DPP10: variants seen among roughly 807,000 people sequenced by gnomAD.
DPP10 encodes the protein dipeptidyl peptidase like 10.
A neutral mutation model predicts 120.9 loss-of-function variants in DPP10; 33 were observed. The ratio of observed to expected loss-of-function variants is 0.27; its 90% CI spans 0.21 to 0.37. The LOEUF (loss-of-function observed/expected upper bound fraction) is 0.37. Among genes scored for constraint, DPP10 ranks in the 10% least tolerant of loss-of-function variants. The pLI, the probability that DPP10 is intolerant of heterozygous loss-of-function variation, is 1.00. For synonymous variants in DPP10, 337 were observed against 326.1 expected, an observed-to-expected ratio of 1.03 and a Z score of -0.36; for missense variants, 816 against 942.8, an observed-to-expected ratio of 0.87 and a Z score of 1.76.
chr2:115,730,891 T>C (rs1259472130), intron 8 of DPP10, among the ~76,000 whole-genome samples: 6 of 152,178 alleles, frequency 3.9e-5, no homozygotes, highest in African/African-American at 1.4e-4. Flanking sequence ...GTGTATGTGA[T>C]TTAATCATCA....
intron 1 of DPP10, among the ~76,000 whole-genome samples, chr2:114,961,914 A>G (rs1698669080): frequency 6.6e-6 from 1 of 152,178 alleles, no homozygotes; most frequent in Non-Finnish European, 1.5e-5. Context: ...AGAGCACGCC[A>G]CTGAACTCCA....
chr2:114,466,868 A>G (rs1679428196), intron 1 of DPP10, among the ~76,000 whole-genome samples: 2 of 152,174 alleles, frequency 1.3e-5, no homozygotes, highest in South Asian at 4.2e-4. Flanking sequence ...ACATGATGAA[A>G]CTGCATCTCT....
intron 19 of DPP10, among the ~76,000 whole-genome samples, chr2:115,813,183 T>G (rs897564388): frequency 1.4e-5 from 2 of 146,468 alleles, no homozygotes; most frequent in South Asian, 2.1e-4. Context: ...GGGTTTCACC[T>G]TGTTAGCCAG....
intron 3 of DPP10, among the ~76,000 whole-genome samples, chr2:115,417,378 T>C (rs1210095925): frequency 6.6e-6 from 1 of 152,104 alleles, no homozygotes; most frequent in Non-Finnish European, 1.5e-5. Flanking sequence ...AGGAAAAAAC[T>C]CAATTTGGAG....
At chr2:115,421,260 A>C (rs942751694) in intron 3 of DPP10, among the ~76,000 whole-genome samples, 2 of 152,184 alleles carry the variant, frequency 1.3e-5, no homozygotes, top group Admixed American at 1.3e-4. Flanking sequence ...TATATGAGTA[A>C]TATGAATTGT....
chr2:114,485,233 C>G (rs1320448917), intron 1 of DPP10, among the ~76,000 whole-genome samples: 1 of 152,160 alleles, frequency 6.6e-6, no homozygotes, highest in Non-Finnish European at 1.5e-5. Context: ...TTCTTTCTTA[C>G]TCACAGTTCA....
intron 1 of DPP10, among the ~76,000 whole-genome samples, chr2:115,185,305 C>T (rs929342584): frequency 4.0e-5 from 6 of 151,048 alleles, no homozygotes; most frequent in Non-Finnish European, 8.8e-5. Flanking sequence ...GCCTGTGACT[C>T]GCTCTAAAAA....
intron 1 of DPP10, among the ~76,000 whole-genome samples, chr2:115,258,064 C>T (rs958593631): frequency 3.3e-5 from 5 of 152,050 alleles, no homozygotes; most frequent in Admixed American, 6.5e-5. Flanking sequence ...GTCATTAAAA[C>T]GTGAAAATAT....
At chr2:115,275,744 G>A (rs1415433903) in intron 1 of DPP10, among the ~76,000 whole-genome samples, 1 of 136,778 alleles carries the variant, frequency 7.3e-6, no homozygotes, top group Non-Finnish European at 1.5e-5. Context: ...CTGTCGCCCA[G>A]GCTGGGGCGC....
At chr2:115,356,603 A>G (rs189115129) in intron 3 of DPP10, among the ~76,000 whole-genome samples, 1 of 152,216 alleles carries the variant, frequency 6.6e-6, no homozygotes, top group African/African-American at 2.4e-5. Context: ...GAATAGGGGT[A>G]GTGAGAGAGG....
chr2:115,182,737 A>T (rs922817768), intron 1 of DPP10, among the ~76,000 whole-genome samples: 1 of 152,192 alleles, frequency 6.6e-6, no homozygotes, highest in Non-Finnish European at 1.5e-5. Flanking sequence ...AGAGGAAGGT[A>T]GGGAAGCTAT....
chr2:115,324,711 C>T lies in DPP10; in HGVS notation c.175+15358C>T, dbSNP rs143453621. 1.6e-4 allele frequency among the ~76,000 whole-genome samples: 24 copies of T among 152,202 alleles called. No homozygotes were observed. In the East Asian group the frequency reaches 4.6e-3, roughly 29 times the overall value. ...CAATAGATTAGCACTTTTAATTTCC[C>T]ATAAGAACTTTTTGTGGCTAACTGT... On this transcript the variant is annotated intron_variant, in intron 2 of 25. Coordinates refer to ENST00000410059, the MANE Select transcript of DPP10 (RefSeq NM_020868.6).
At chr2:115,349,619 A>G (rs2063896354) in intron 3 of DPP10, among the ~76,000 whole-genome samples, 2 of 152,122 alleles carry the variant, frequency 1.3e-5, no homozygotes, top group South Asian at 4.1e-4. Flanking sequence ...TATGCAGGAT[A>G]TTGAAGAGGC....
chr2:114,805,302 C>T (rs534585447), intron 1 of DPP10, among the ~76,000 whole-genome samples: 89 of 152,252 alleles, frequency 5.8e-4, no homozygotes, highest in Admixed American at 4.8e-3. Flanking sequence ...TTCATGAAAA[C>T]TCAAGAGCAT....
intron 1 of DPP10, among the ~76,000 whole-genome samples, chr2:114,467,833 T>TACAAA (rs142818701): frequency 0.073 from 11,052 of 151,584 alleles, 478 homozygotes; most frequent in Middle Eastern, 0.14. Context: ...ACCCCATCTC[T>TACAAA]ACAAAACAAA....
intron 3 of DPP10, among the ~76,000 whole-genome samples, chr2:115,430,359 A>G (rs2070857919): frequency 6.6e-6 from 1 of 152,224 alleles, no homozygotes; most frequent in Non-Finnish European, 1.5e-5. Context: ...TGAATATGAA[A>G]TTAATCTTCA....
At chr2:115,652,549 T>A (rs1438278311) in intron 5 of DPP10, among the ~76,000 whole-genome samples, 2 of 151,594 alleles carry the variant, frequency 1.3e-5, no homozygotes, top group African/African-American at 4.8e-5. Context: ...AGTTTCAGGA[T>A]CTGTAGTTGG....
intron 5 of DPP10, among the ~76,000 whole-genome samples, chr2:115,655,931 A>G (rs1329604481): frequency 1.3e-5 from 2 of 151,692 alleles, no homozygotes; most frequent in Non-Finnish European, 1.5e-5. Flanking sequence ...CTCATAGTAG[A>G]TAAGAATAGA....
intron 5 of DPP10, among the ~76,000 whole-genome samples, chr2:115,584,659 G>C (rs1379311436): frequency 6.6e-6 from 1 of 152,170 alleles, no homozygotes; most frequent in Non-Finnish European, 1.5e-5. Context: ...AGCTGCATTT[G>C]ATGCTGTGTG....
Sources: allele counts gnomAD v4.1 joint callset (sites outside exome capture counted in the v4.1 genomes callset), GRCh38; gene constraint gnomAD v4.1.1; transcripts MANE v1.5; gene names NCBI Gene and HGNC (gene_info 2026-07-23, HGNC 2026-07-21).